Variants in SYCP2L observed in about 807,000 individuals in gnomAD.
The protein encoded by SYCP2L is synaptonemal complex protein 2-like.
In SYCP2L, 98 loss-of-function variants were observed where a neutral mutation model predicts 125.8. The ratio of observed to expected loss-of-function variants is 0.78; its 90% CI spans 0.66 to 0.92. The LOEUF is 0.92. Ranked by LOEUF, SYCP2L falls within the 40% of genes least tolerant of loss-of-function variation. SYCP2L has a pLI of 0.00. For missense variants in SYCP2L, 842 were observed against 936.4 expected (o/e 0.90, Z 1.32); for synonymous variants, 317 against 325.4 (o/e 0.97, Z 0.28).
At chr6:10,895,718 C>T (rs375556000) in intron 4 of SYCP2L, among the ~76,000 whole-genome samples, 2 of 152,098 alleles carry the variant, frequency 1.3e-5, no homozygotes, top group South Asian at 4.1e-4. Flanking sequence ...GAACTCCCAA[C>T]CTCAGATGAT....
rs917111645 is a variant in SYCP2L at position 10,958,997 on chromosome 6, C to G, written c.2255+122C>G. The stretch of plus-strand genomic sequence containing the variant: ...GCCTGAGCAGATGTGAGGATTGATA[C>G]ATCATTTAACCCTTCTGGGTTTCCG... On this transcript the variant is annotated intron_variant, in intron 26 of 29. Transcript: ENST00000283141. 5 of 779,634 alleles carry G rather than the reference C, an allele frequency of 6.4e-6. No homozygotes were observed. In the Middle Eastern group the frequency reaches 9.0e-4, roughly 140 times the overall value. The allele number at this position is 779,634 out of a possible 1,614,324, so 48.3% of individuals were successfully genotyped here.
chr6:10,910,225 T>A, intron 11 of SYCP2L, 25 bp downstream of exon 11: 1 of 1,600,852 alleles, frequency 6.2e-7, no homozygotes, highest in African/African-American at 1.3e-5. Context: ...TGAGCATTAT[T>A]GACTAGTTGT....
chr6:10,907,203 G>A (rs1414657819), intron 9 of SYCP2L, among the ~76,000 whole-genome samples: 1 of 151,992 alleles, frequency 6.6e-6, no homozygotes. Context: ...GATTAGGTAG[G>A]CATGATGACA....
At chr6:10,955,093 A>T (rs1370850349) in intron 23 of SYCP2L, 23 bp from the exon 24 acceptor site, 18 of 1,540,676 alleles carry the variant, frequency 1.2e-5, no homozygotes, top group Admixed American at 6.7e-5. Flanking sequence ...GGTCAAAAGG[A>T]AATGTGCTCT....
chr6:10,954,710 A>G lies in SYCP2L; in HGVS notation c.1955-406A>G, dbSNP rs911230447. ...ATAGCGCCGATGTGCCCGTGTCACCAGCAGATGGCGCGCTCCGGGGTGTGA... is the reference window on the plus strand; with the variant it reads ...ATAGCGCCGATGTGCCCGTGTCACCGGCAGATGGCGCGCTCCGGGGTGTGA... On this transcript the variant is annotated intron_variant, in intron 23 of 29. Transcript: ENST00000283141. The surrounding 1 kb of genome is among the most constrained non-coding windows in gnomAD (Gnocchi z 4.8). 2.0e-5 allele frequency among the ~76,000 whole-genome samples: 3 copies of G among 152,228 alleles called. No individual in the cohort carries two copies. The highest frequency in any genetic ancestry group is 4.4e-5 in the Non-Finnish European group (3 of 68,034).
rs1780215191 is a variant in SYCP2L, at chr6:10,893,947, C to T, written c.159C>T (p.His53=). 6.2e-7 allele frequency: 1 copy of T among 1,612,302 alleles called. No homozygotes were observed. The highest frequency in any genetic ancestry group is 1.3e-5 in the African/African-American group (1 of 74,828). Residue 53 remains histidine (H), a synonymous_variant, in exon 3 of 30, where the codon CAC becomes CAT. Coordinates refer to ENST00000283141, the MANE Select transcript of SYCP2L (RefSeq NM_001040274.3). ...IKEYFQQKES[H]FPQKYNRLLL... ...AATACTTTCAACAGAAAGAGAGCCA[C>T]TTTCCTCAAAAATATAATCGTCTTC...
At chr6:10,969,611 G>A (rs968091588) in intron 29 of SYCP2L, among the ~76,000 whole-genome samples, 12 of 151,754 alleles carry the variant, frequency 7.9e-5, no homozygotes, top group Admixed American at 2.0e-4. Flanking sequence ...TGATCTGCCC[G>A]CCTCGGCCTC....
chr6:10,913,182 A>G (rs949510807), intron 14 of SYCP2L, among the ~76,000 whole-genome samples: 4 of 152,240 alleles, frequency 2.6e-5, no homozygotes, highest in African/African-American at 9.6e-5. Context: ...TAGAACTACC[A>G]TATGATCCAG....
chr6:10,938,996 T>C lies in SYCP2L; in HGVS notation c.1814-3463T>C, dbSNP rs545672152. The stretch of plus-strand genomic sequence containing the variant: ...TTAGCTAGGCATGGTGGCACACTCC[T>C]GTAGTCCCAGCTACTCAGGAGGCTG... On this transcript the variant is annotated intron_variant, in intron 21 of 29. Coordinates refer to ENST00000283141, the MANE Select transcript of SYCP2L (RefSeq NM_001040274.3). Among the ~76,000 whole-genome samples the C allele has an allele frequency of 2.0e-5, 3 of 152,208 alleles. No homozygotes were observed. In the South Asian group the frequency reaches 6.2e-4, roughly 32 times the overall value.
intron 1 of SYCP2L, among the ~76,000 whole-genome samples, chr6:10,888,663 T>C (rs1270887483): frequency 6.6e-6 from 1 of 152,096 alleles, no homozygotes; most frequent in Non-Finnish European, 1.5e-5. Flanking sequence ...GCAGAGCATC[T>C]CTGCATACGA....
chr6:10,950,869 T>C (rs1043220800), intron 23 of SYCP2L, among the ~76,000 whole-genome samples: 2 of 152,146 alleles, frequency 1.3e-5, no homozygotes, highest in Non-Finnish European at 2.9e-5. Context: ...ACATGTTGGC[T>C]AGGCTGGTCT....
At chr6:10,930,169 C>T (rs1299563660) in intron 18 of SYCP2L, 2 of 465,410 alleles carry the variant, frequency 4.3e-6, no homozygotes, top group East Asian at 7.8e-5. Context: ...TCATCCTATA[C>T]AACAGCAACT....
At chr6:10,932,852 C>G (rs1781021862) in intron 20 of SYCP2L, among the ~76,000 whole-genome samples, 1 of 152,208 alleles carries the variant, frequency 6.6e-6, no homozygotes, top group African/African-American at 2.4e-5. Flanking sequence ...CTCTCAGGTT[C>G]AAGTGATTCT....
chr6:10,910,188 G>C lies in SYCP2L; in HGVS notation c.860G>C (p.Gly287Ala). The change falls in exon 11 of 30, where the codon GGT (glycine) becomes GCT (alanine). Residue 287 changes from glycine to alanine, a missense_variant. Gly to Ala is a moderately conservative substitution (Grantham distance 60). Transcript: ENST00000283141. ...RFLNHLNNRL[G>A]DQRRVYSFPC... ...CTCAATCACCTAAACAACAGACTTG[G>C]TGACCAAAGAAGGTAAGTTGTGTCT... 1 of 1,613,694 alleles carries C rather than the reference G, an allele frequency of 6.2e-7. No homozygotes were observed. Among genetic ancestry groups the C allele is most frequent in the Non-Finnish European group, 8.5e-7 (1 of 1,179,858 alleles).
intron 23 of SYCP2L, among the ~76,000 whole-genome samples, chr6:10,943,095 T>G (rs982463677): frequency 6.6e-6 from 1 of 152,162 alleles, no homozygotes; most frequent in Non-Finnish European, 1.5e-5. Flanking sequence ...TTCTCAAGCA[T>G]GTAGGTCACT....
intron 23 of SYCP2L, among the ~76,000 whole-genome samples, chr6:10,944,392 G>T (rs865822401): frequency 6.6e-6 from 1 of 152,110 alleles, no homozygotes; most frequent in Admixed American, 6.5e-5. Flanking sequence ...GGAATTCTTC[G>T]TAATACATTC....
chr6:10,961,390 G>A lies in SYCP2L; in HGVS notation c.2341G>A (p.Glu781Lys). Residue 781 changes from glutamate to lysine, a missense_variant, in exon 27 of 30, where the codon GAG becomes AAG. Transcript: ENST00000283141. ...GGATATTCAGGCCCTGGAACACCTT[G>A]AGAAGGAGGTTCTGGTAAGTTCTTT... ...KQDIQALEHL[E>K]KEVLEFWGKQ... 1 of 1,614,152 alleles carries A rather than the reference G, an allele frequency of 6.2e-7. No individual in the cohort carries two copies. The highest frequency in any genetic ancestry group is 8.5e-7 in the Non-Finnish European group (1 of 1,179,996).
At chr6:10,915,088 A>T (rs1348207817) in intron 14 of SYCP2L, among the ~76,000 whole-genome samples, 1 of 152,014 alleles carries the variant, frequency 6.6e-6, no homozygotes, top group Non-Finnish European at 1.5e-5. Context: ...TCTATGGTAA[A>T]AGGGGTTGAG....
chr6:10,967,211 AT>A (rs1781696710), intron 29 of SYCP2L, among the ~76,000 whole-genome samples: 1 of 152,262 alleles, frequency 6.6e-6, no homozygotes, highest in African/African-American at 2.4e-5. Flanking sequence ...GATATTTTTA[AT>A]ATAAGTTTTA....
Sources: allele counts gnomAD v4.1 joint callset (sites outside exome capture counted in the v4.1 genomes callset), GRCh38; gene constraint gnomAD v4.1.1; non-coding constraint Gnocchi (gnomAD v3.1); transcripts MANE v1.5; gene names NCBI Gene and HGNC (gene_info 2026-07-23, HGNC 2026-07-21).